Variants in IPO11 observed in about 807,000 individuals in gnomAD.
IPO11 encodes the protein importin 11.
In IPO11, 66 loss-of-function variants were observed where a neutral mutation model predicts 143.2. That is an observed-to-expected ratio of 0.46 (90% CI 0.38 to 0.57). The LOEUF is 0.57. Among genes scored for constraint, IPO11 ranks in the 20% least tolerant of loss-of-function variants. The pLI, the probability that IPO11 is intolerant of heterozygous loss-of-function variation, is 0.00. For missense variants in IPO11, 1,026 were observed against 1,141.0 expected, an observed-to-expected ratio of 0.90 and a Z score of 1.45; for synonymous variants, 385 against 377.8, an observed-to-expected ratio of 1.02 and a Z score of -0.22.
intron 1 of IPO11, among the ~76,000 whole-genome samples, chr5:62,420,614 C>CTTA (rs1580155931): frequency 6.6e-6 from 1 of 150,412 alleles, no homozygotes; most frequent in Non-Finnish European, 1.5e-5. Context: ...GGGTCTCACT[C>CTTA]TGTCACCCAG....
At chr5:62,508,413 G>A (rs2112268503) in intron 19 of IPO11, among the ~76,000 whole-genome samples, 1 of 151,526 alleles carries the variant, frequency 6.6e-6, no homozygotes, top group South Asian at 2.1e-4. Flanking sequence ...CTTCCAAAGT[G>A]CTGGGATTAC....
intron 3 of IPO11, among the ~76,000 whole-genome samples, chr5:62,447,075 A>G (rs902573029): frequency 1.3e-5 from 2 of 151,566 alleles, no homozygotes; most frequent in African/African-American, 2.4e-5. Context: ...TTACCTTTCT[A>G]TGATTATTTC....
At chr5:62,485,360 A>G in intron 11 of IPO11, 59 bp from the exon 12 acceptor site, 1 of 1,338,104 alleles carries the variant, frequency 7.5e-7, no homozygotes, top group East Asian at 2.3e-5. Flanking sequence ...TGTTATTAAA[A>G]TCTTTGTTTT....
Position 62,504,847 on chromosome 5 carries a change from C to A in IPO11, c.1625-11C>A. ...CTTATATATTCTCAGTATTCCTTAA[C>A]TGTTCTTCACCTGTTGATGATTTTG... On this transcript the variant is annotated splice_polypyrimidine_tract_variant and intron_variant, in intron 17 of 29. Coordinates refer to ENST00000325324, the MANE Select transcript of IPO11 (RefSeq NM_016338.5). 1 of 1,538,494 alleles carries A rather than the reference C, an allele frequency of 6.5e-7. No individual in the cohort carries two copies. The highest frequency in any genetic ancestry group is 8.9e-7 in the Non-Finnish European group (1 of 1,126,802).
intron 16 of IPO11, among the ~76,000 whole-genome samples, chr5:62,496,017 T>TGGTG (rs1338369132): frequency 6.6e-6 from 1 of 151,960 alleles, no homozygotes; most frequent in African/African-American, 2.4e-5. Context: ...GTGGCATGCG[T>TGGTG]GGTGACTCAC....
intron 27 of IPO11, among the ~76,000 whole-genome samples, chr5:62,578,319 T>G (rs1193108242): frequency 6.6e-6 from 1 of 152,124 alleles, no homozygotes; most frequent in Non-Finnish European, 1.5e-5. Flanking sequence ...ACAACATTTA[T>G]GTTCATTCTA....
chr5:62,578,516 A>G (rs1744407685), intron 27 of IPO11, among the ~76,000 whole-genome samples: 1 of 151,960 alleles, frequency 6.6e-6, no homozygotes, highest in South Asian at 2.1e-4. Flanking sequence ...GAGTCTGTTG[A>G]TTGATATTTG....
At chr5:62,439,183 A>G (rs1422002694) in intron 2 of IPO11, among the ~76,000 whole-genome samples, 1 of 149,950 alleles carries the variant, frequency 6.7e-6, no homozygotes, top group East Asian at 1.9e-4. Context: ...AGAATTTCTT[A>G]TTTTAATTAC....
At chr5:62,516,014 T>C (rs529843229) in intron 20 of IPO11, among the ~76,000 whole-genome samples, 130 of 152,298 alleles carry the variant, frequency 8.5e-4, no homozygotes, top group African/African-American at 2.9e-3. Context: ...CTATAGTTCT[T>C]ATTTGAACTG....
chr5:62,436,996 G>T (rs577546689), intron 1 of IPO11, among the ~76,000 whole-genome samples: 2 of 152,268 alleles, frequency 1.3e-5, no homozygotes, highest in East Asian at 1.9e-4. Flanking sequence ...TTTGAAGTTT[G>T]TGTGTGTATC....
chr5:62,575,582 C>A (rs149108382), intron 27 of IPO11, among the ~76,000 whole-genome samples: 116 of 152,236 alleles, frequency 7.6e-4, no homozygotes, highest in African/African-American at 2.7e-3. Context: ...CTCCCCACCT[C>A]CCCCAGCAGA....
chr5:62,456,166 CA>C (rs1162236564), intron 5 of IPO11, among the ~76,000 whole-genome samples: 2 of 152,162 alleles, frequency 1.3e-5, no homozygotes, highest in Non-Finnish European at 2.9e-5. Flanking sequence ...TGCACGTCAC[CA>C]TGCCTGGCTA....
chr5:62,422,673 G>T (rs1743556792), intron 1 of IPO11: 1 of 152,146 alleles, frequency 6.6e-6, no homozygotes, highest in African/African-American at 2.4e-5. Flanking sequence ...GAGACTTATT[G>T]CAGTTTATCA....
chr5:62,515,758 T>G (rs140263491), intron 20 of IPO11, among the ~76,000 whole-genome samples: 1 of 152,246 alleles, frequency 6.6e-6, no homozygotes, highest in Non-Finnish European at 1.5e-5. Context: ...TCATGGTTCA[T>G]GCAGTCCATG....
chr5:62,449,147 C>A (rs971459331), intron 3 of IPO11, among the ~76,000 whole-genome samples: 2 of 152,102 alleles, frequency 1.3e-5, no homozygotes, highest in African/African-American at 4.8e-5. Context: ...GATCCTTCTG[C>A]ATTGGCCTCC....
chr5:62,573,256 C>T (rs1420511989), intron 27 of IPO11, among the ~76,000 whole-genome samples: 1 of 152,112 alleles, frequency 6.6e-6, no homozygotes, highest in Non-Finnish European at 1.5e-5. Flanking sequence ...TAGTACCCTA[C>T]TTTATAGGGC....
intron 11 of IPO11, among the ~76,000 whole-genome samples, chr5:62,484,967 CAT>C (rs1396584600): frequency 6.6e-6 from 1 of 150,792 alleles, no homozygotes; most frequent in Non-Finnish European, 1.5e-5. Context: ...AACATTGTAA[CAT>C]AAAGTGTTGA....
At chr5:62,605,466 C>G (rs893249116) in intron 29 of IPO11, among the ~76,000 whole-genome samples, 2 of 152,212 alleles carry the variant, frequency 1.3e-5, no homozygotes, top group African/African-American at 2.4e-5. Context: ...TGAAATAATA[C>G]TTAGAATAGC....
chr5:62,592,663 C>T (rs1161823862), intron 28 of IPO11, among the ~76,000 whole-genome samples: 1 of 152,080 alleles, frequency 6.6e-6, no homozygotes, highest in Non-Finnish European at 1.5e-5. Context: ...TTTCGCAGGG[C>T]TGGGGAGGCC....
Sources: allele counts gnomAD v4.1 joint callset (sites outside exome capture counted in the v4.1 genomes callset), GRCh38; gene constraint gnomAD v4.1.1; transcripts MANE v1.5; gene names NCBI Gene and HGNC (gene_info 2026-07-23, HGNC 2026-07-21).